Variants in AVEN observed in about 807,000 individuals in gnomAD.
The protein encoded by AVEN is apoptosis and caspase activation inhibitor.
Under a neutral mutation model 38.1 loss-of-function variants are expected in AVEN, and 41 were observed. The ratio of observed to expected loss-of-function variants is 1.08; its 90% CI spans 0.84 to 1.40. AVEN has a LOEUF of 1.40. AVEN is among the 40% of genes most tolerant of loss of function. AVEN has a pLI of 0.00. For missense variants in AVEN, 605 were observed against 438.8 expected (o/e 1.38, Z -3.38); for synonymous variants, 206 against 171.8 (o/e 1.20, Z -1.56).
chr15:33,940,092 C>T (rs1475259906), intron 2 of AVEN, among the ~76,000 whole-genome samples: 1 of 152,174 alleles, frequency 6.6e-6, no homozygotes, highest in Non-Finnish European at 1.5e-5. Flanking sequence ...GTGCCTTCAT[C>T]TTGAACCTCC....
rs531012991 is a variant in AVEN at position 33,866,853 on chromosome 15, T to C, written c.974-125A>G. The C allele has an allele frequency of 1.0e-3, 689 of 689,720 alleles. 10 individuals carry two copies. In the South Asian group the frequency reaches 0.012, roughly 12 times the overall value. 42.7% of individuals were successfully genotyped at this position (689,720 alleles called of 1,614,324 possible). A position where few individuals can be genotyped will look rare whatever the true frequency, so the allele number is the denominator to read the frequency against. On this transcript the variant is annotated intron_variant, in intron 5 of 5. Transcript: ENST00000306730. The stretch of plus-strand genomic sequence containing the variant: ...TTCTCATTATTCTTACTCCCTAAGA[T>C]GATACAGTAATATCTAAACAAATAA...
chr15:33,932,553 G>A (rs781131160), intron 2 of AVEN, among the ~76,000 whole-genome samples: 8 of 152,174 alleles, frequency 5.3e-5, no homozygotes, highest in Admixed American at 2.0e-4. Context: ...TGGGCTGGGC[G>A]CGGTGGCTCA....
At chr15:33,987,420 G>C (rs1597316261) in intron 2 of AVEN, among the ~76,000 whole-genome samples, 2 of 152,200 alleles carry the variant, frequency 1.3e-5, no homozygotes, top group Non-Finnish European at 2.9e-5. Flanking sequence ...ACAGCCACCA[G>C]ACAGTCTCTT....
chr15:33,903,193 G>C (rs1892557311), intron 2 of AVEN, among the ~76,000 whole-genome samples: 1 of 152,180 alleles, frequency 6.6e-6, no homozygotes, highest in Non-Finnish European at 1.5e-5. Flanking sequence ...GAGAATGAGG[G>C]ATTATGCAGA....
At chr15:33,942,255 T>C (rs1376129145) in intron 2 of AVEN, among the ~76,000 whole-genome samples, 2 of 152,196 alleles carry the variant, frequency 1.3e-5, no homozygotes, top group African/African-American at 4.8e-5. Context: ...CATTTTTTTA[T>C]ATATTAATGC....
chr15:33,864,110 A>ACCCCAGAG (rs2153026351), downstream of AVEN: 1 of 1,569,260 alleles, frequency 6.4e-7, no homozygotes, highest in Non-Finnish European at 8.8e-7. Flanking sequence ...TGACCAGAGT[A>ACCCCAGAG]TCTAATACTA....
intron 2 of AVEN, among the ~76,000 whole-genome samples, chr15:34,001,658 T>C (rs1322667956): frequency 1.3e-5 from 2 of 152,170 alleles, no homozygotes; most frequent in Admixed American, 6.5e-5. Context: ...GTCAATGAGT[T>C]GAGAGCAATC....
intron 5 of AVEN, among the ~76,000 whole-genome samples, chr15:34,048,734 C>A (rs577498046): frequency 1.5e-3 from 233 of 152,336 alleles, no homozygotes; most frequent in African/African-American, 5.4e-3. Flanking sequence ...GGTCCCTGAT[C>A]CCATTCCTCC....
chr15:33,909,346 AC>A (rs1892833327), intron 2 of AVEN, among the ~76,000 whole-genome samples: 1 of 152,184 alleles, frequency 6.6e-6, no homozygotes, highest in Non-Finnish European at 1.5e-5. Context: ...AAACAAAAAA[AC>A]CTAAGAGTTC....
chr15:33,878,944 T>A (rs979698264), intron 2 of AVEN, among the ~76,000 whole-genome samples: 4 of 152,156 alleles, frequency 2.6e-5, no homozygotes, highest in South Asian at 2.1e-4. Flanking sequence ...AACTTCTATA[T>A]TAGAAATGAT....
intron 1 of AVEN, among the ~76,000 whole-genome samples, chr15:34,017,473 A>ATTTT (rs200988059): frequency 3.8e-4 from 39 of 101,432 alleles, no homozygotes; most frequent in East Asian, 1.2e-3. Flanking sequence ...TTTCAGTATG[A>ATTTT]TTTTTTTTTT....
chr15:33,939,150 T>G (rs1894215703), intron 2 of AVEN, among the ~76,000 whole-genome samples: 1 of 152,160 alleles, frequency 6.6e-6, no homozygotes, highest in Non-Finnish European at 1.5e-5. Context: ...CACACCTATT[T>G]CTTTCAACGG....
At chr15:33,870,227 A>AC (rs1890880084) in intron 4 of AVEN, among the ~76,000 whole-genome samples, 1 of 152,118 alleles carries the variant, frequency 6.6e-6, no homozygotes, top group African/African-American at 2.4e-5. Flanking sequence ...AGTACTACTC[A>AC]CCTGCACCTG....
downstream of AVEN, chr15:33,864,269 A>G: frequency 9.2e-7 from 1 of 1,082,358 alleles, no homozygotes; most frequent in Non-Finnish European, 1.4e-6. Flanking sequence ...AGGTTATCTG[A>G]AATACATACA....
chr15:34,025,722 T>TTG (rs1050483183), intron 1 of AVEN, among the ~76,000 whole-genome samples: 2 of 151,910 alleles, frequency 1.3e-5, no homozygotes, highest in Non-Finnish European at 2.9e-5. Flanking sequence ...GAAAAAAAAA[T>TTG]TGTGTGTGTG....
intron 2 of AVEN, among the ~76,000 whole-genome samples, chr15:33,892,404 T>C (rs1215060545): frequency 2.0e-5 from 3 of 152,210 alleles, no homozygotes; most frequent in Admixed American, 6.5e-5. Flanking sequence ...AATTTCTGTA[T>C]AAAGTGTAAG....
chr15:33,953,442 T>C (rs1894827617), intron 2 of AVEN, among the ~76,000 whole-genome samples: 1 of 152,056 alleles, frequency 6.6e-6, no homozygotes, highest in South Asian at 2.1e-4. Flanking sequence ...AAAACAGAGA[T>C]ATAGACCAAT....
chr15:33,866,826 CATTCTCATTATTCT>C (rs1338044399), intron 5 of AVEN, 98 bp from the exon 6 acceptor site: 2 of 825,156 alleles, frequency 2.4e-6, no homozygotes, highest in East Asian at 2.5e-5. Flanking sequence ...CAAGGGGAAA[CATTCTCATTATTCT>C]TACTCCCTAA....
At chr15:33,999,952 T>C (rs1202002103) in intron 2 of AVEN, among the ~76,000 whole-genome samples, 1 of 152,258 alleles carries the variant, frequency 6.6e-6, no homozygotes, top group Non-Finnish European at 1.5e-5. Context: ...CTACGCGATC[T>C]GGCTGGATAA....
Sources: allele counts gnomAD v4.1 joint callset (sites outside exome capture counted in the v4.1 genomes callset), GRCh38; gene constraint gnomAD v4.1.1; transcripts MANE v1.5; gene names NCBI Gene and HGNC (gene_info 2026-07-23, HGNC 2026-07-21).